The following SYT14 variants were observed in gnomAD, a reference collection of about 807,000 sequenced individuals.
The protein encoded by SYT14 is synaptotagmin 14.
In SYT14, 32 loss-of-function variants were observed where a neutral mutation model predicts 74.2. The observed-to-expected ratio is 0.43, with a 90% confidence interval of 0.33 to 0.58. SYT14 has a LOEUF of 0.58. Among genes scored for constraint, SYT14 ranks in the 20% least tolerant of loss-of-function variants. The pLI is 0.05. For synonymous variants in SYT14, 298 were observed against 337.7 expected, an observed-to-expected ratio of 0.88 and a Z score of 1.29; for missense variants, 791 against 981.8, an observed-to-expected ratio of 0.81 and a Z score of 2.60.
chr1:210,017,857 C>G (rs1162376711), intron 4 of SYT14, among the ~76,000 whole-genome samples: 2 of 152,124 alleles, frequency 1.3e-5, no homozygotes, highest in Non-Finnish European at 2.9e-5. Flanking sequence ...GATCTGATCA[C>G]AAGGCCAAAA....
chr1:210,004,364 T>A (rs2079953046), intron 2 of SYT14, among the ~76,000 whole-genome samples: 1 of 152,046 alleles, frequency 6.6e-6, no homozygotes, highest in Non-Finnish European at 1.5e-5. Flanking sequence ...ATTCCTTTAT[T>A]CAGGTCATTG....
chr1:210,152,463 T>A (rs2083183627), intron 7 of SYT14, among the ~76,000 whole-genome samples: 1 of 152,190 alleles, frequency 6.6e-6, no homozygotes, highest in Non-Finnish European at 1.5e-5. Flanking sequence ...TCTTTGGGAA[T>A]CTTCAAAGAA....
intron 5 of SYT14, among the ~76,000 whole-genome samples, chr1:210,039,079 T>C (rs227193): frequency 0.34 from 51,754 of 151,842 alleles, 9,773 homozygotes; most frequent in Non-Finnish European, 0.42. Flanking sequence ...ACTTGATACT[T>C]CTCAAAGGCT....
In SYT14 at chr1:209,997,689, C is replaced by T. The variant is rs74477553; in HGVS notation, c.-485-15944C>T. 2.3e-3 allele frequency among the ~76,000 whole-genome samples: 348 copies of T among 152,154 alleles called. 8 individuals are homozygous for T. In the East Asian group the frequency reaches 0.034, roughly 15 times the overall value. The stretch of plus-strand genomic sequence containing the variant: ...GAACAGTGGACACTGCAGACTACTA[C>T]AGAGGGCATGGGGGCATGGGTTACA... On this transcript the variant is annotated intron_variant, in intron 2 of 9. Coordinates refer to ENST00000637265, the Ensembl canonical transcript of SYT14.
intron 2 of SYT14, among the ~76,000 whole-genome samples, chr1:209,979,296 T>C (rs1424189885): frequency 1.3e-5 from 2 of 152,176 alleles, no homozygotes; most frequent in African/African-American, 4.8e-5. Flanking sequence ...TCTGCGTCGC[T>C]CACACTGGGA....
chr1:209,957,487 C>T (rs1372469586), intron 2 of SYT14, among the ~76,000 whole-genome samples: 9 of 151,902 alleles, frequency 5.9e-5, no homozygotes, highest in Non-Finnish European at 1.0e-4. Context: ...AGTGCAATGG[C>T]GTGATCTCGG....
intron 7 of SYT14, among the ~76,000 whole-genome samples, chr1:210,130,308 C>A (rs1313346909): frequency 4.0e-5 from 6 of 150,832 alleles, no homozygotes; most frequent in Non-Finnish European, 8.8e-5. Flanking sequence ...ATTTTGAGAG[C>A]AGAAAAAAAC....
At chr1:209,953,674 G>GA (rs1319598840) in intron 2 of SYT14, among the ~76,000 whole-genome samples, 2 of 152,108 alleles carry the variant, frequency 1.3e-5, no homozygotes, top group African/African-American at 4.8e-5. Context: ...CTTTAGACTT[G>GA]AAAAAATTTT....
At chr1:209,972,881 A>C (rs922230901) in intron 2 of SYT14, among the ~76,000 whole-genome samples, 24 of 152,058 alleles carry the variant, frequency 1.6e-4, no homozygotes, top group African/African-American at 5.5e-4. Flanking sequence ...CAAGTATCAA[A>C]CTTAAGTCCA....
rs368873291 is a variant in SYT14 at position 210,122,046 on chromosome 1, C to T, written c.2034+21585C>T. 3.4e-5 allele frequency among the ~76,000 whole-genome samples: 2 copies of T among 58,810 alleles called. 1 individual carries two copies. Among genetic ancestry groups the T allele is most frequent in the East Asian group, 2.3e-3 (2 of 868 alleles). 38.6% of individuals were successfully genotyped at this position (58,810 alleles called of 152,430 possible). On this transcript the variant is annotated intron_variant, in intron 7 of 9. Transcript: ENST00000637265. ...AGGCTGGAGTGCAGTGGTGGGATCT[C>T]GGCTCACTGCAAGCTCCGCCTCCCG...
intron 5 of SYT14, among the ~76,000 whole-genome samples, chr1:210,034,033 G>T (rs2080598908): frequency 6.6e-6 from 1 of 151,708 alleles, no homozygotes; most frequent in Non-Finnish European, 1.5e-5. Context: ...GTATAGTTCT[G>T]CAAATAACAA....
At chr1:210,065,729 A>T (rs193260846) in intron 5 of SYT14, among the ~76,000 whole-genome samples, 1 of 152,000 alleles carries the variant, frequency 6.6e-6, no homozygotes, top group Non-Finnish European at 1.5e-5. Context: ...ACTTTTTTAA[A>T]TTTAATTTTA....
chr1:210,098,632 T>A lies in SYT14; in HGVS notation c.1585-1380T>A, dbSNP rs533269801. ...CCTCCCATTGGCCAAAGCTGAGTCA[T>A]GTAGTCGTATGAGCTATAATAGAGG... is the stretch of plus-strand genomic sequence containing the variant. On this transcript the variant is annotated intron_variant, in intron 6 of 9. Coordinates refer to ENST00000637265, the Ensembl canonical transcript of SYT14. Among the ~76,000 whole-genome samples the A allele has an allele frequency of 4.6e-5, 7 of 152,220 alleles. 1 individual carries two copies. In the East Asian group the frequency reaches 5.8e-4, roughly 13 times the overall value.
intron 4 of SYT14, among the ~76,000 whole-genome samples, chr1:210,018,012 TTATC>T (rs1205730252): frequency 6.6e-6 from 1 of 152,208 alleles, no homozygotes; most frequent in Non-Finnish European, 1.5e-5. Flanking sequence ...GATCTGCTAT[TTATC>T]TATTATATGA....
intron 7 of SYT14, among the ~76,000 whole-genome samples, chr1:210,104,022 A>C (rs2082116969): frequency 6.6e-6 from 1 of 152,188 alleles, no homozygotes; most frequent in Non-Finnish European, 1.5e-5. Context: ...AGACTCTGCC[A>C]CTCATACTTA....
At chr1:209,998,841 C>G (rs777890570) in intron 2 of SYT14, among the ~76,000 whole-genome samples, 17 of 151,900 alleles carry the variant, frequency 1.1e-4, no homozygotes, top group Non-Finnish European at 1.9e-4. Flanking sequence ...TATAAAACTA[C>G]TGAAAGAAAA....
chr1:210,003,747 T>C (rs897284247), intron 2 of SYT14, among the ~76,000 whole-genome samples: 1 of 152,178 alleles, frequency 6.6e-6, no homozygotes, highest in Non-Finnish European at 1.5e-5. Flanking sequence ...ACTTGCTCTC[T>C]TTAAGCCATT....
intron 2 of SYT14, among the ~76,000 whole-genome samples, chr1:209,979,522 G>A (rs1295645503): frequency 6.6e-6 from 1 of 151,986 alleles, no homozygotes; most frequent in Non-Finnish European, 1.5e-5. Context: ...GTGCCATGGT[G>A]GCTTGCTGCA....
At chr1:209,956,670 C>T (rs1184603942) in intron 2 of SYT14, among the ~76,000 whole-genome samples, 1 of 152,164 alleles carries the variant, frequency 6.6e-6, no homozygotes, top group East Asian at 1.9e-4. Flanking sequence ...TGCCATTTAT[C>T]AATTAATCTA....
Sources: gnomAD v4.1 joint callset for allele counts (sites outside exome capture counted in the v4.1 genomes callset) on GRCh38, gnomAD v4.1.1 for gene constraint, MANE v1.5 for transcripts, NCBI Gene and HGNC (gene_info 2026-07-23, HGNC 2026-07-21) for gene names.